The following NKAIN2 variants were observed in gnomAD, a reference collection of about 807,000 sequenced individuals.
NKAIN2 encodes the protein sodium/potassium-transporting ATPase subunit beta-1-interacting protein 2.
NKAIN2 carries 14 observed loss-of-function variants against 32.6 expected under a neutral mutation model. The observed-to-expected ratio is 0.43, with a 90% confidence interval of 0.28 to 0.67. The LOEUF is 0.67. NKAIN2 is among the 30% of genes least tolerant of loss of function. The pLI is 0.17. For synonymous variants in NKAIN2, 80 were observed against 87.2 expected, an observed-to-expected ratio of 0.92 and a Z score of 0.46; for missense variants, 198 against 258.3, an observed-to-expected ratio of 0.77 and a Z score of 1.60.
intron 3 of NKAIN2, among the ~76,000 whole-genome samples, chr6:124,655,772 G>T (rs1416620997): frequency 3.3e-5 from 5 of 152,060 alleles, no homozygotes; most frequent in East Asian, 3.9e-4. Context: ...GAATCATCTT[G>T]CTTTGTATGA....
chr6:124,412,755 G>T (rs1774263468), intron 3 of NKAIN2, among the ~76,000 whole-genome samples: 1 of 152,200 alleles, frequency 6.6e-6, no homozygotes, highest in African/African-American at 2.4e-5. Flanking sequence ...TTGTTTGTCT[G>T]TGCCCTGCCC....
chr6:124,652,077 C>T (rs978469118), intron 3 of NKAIN2, among the ~76,000 whole-genome samples: 2 of 152,200 alleles, frequency 1.3e-5, no homozygotes, highest in African/African-American at 4.8e-5. Context: ...AAAGAAGCCA[C>T]ACAACTCCTG....
At chr6:124,448,162 G>A (rs1454857173) in intron 3 of NKAIN2, among the ~76,000 whole-genome samples, 2 of 152,026 alleles carry the variant, frequency 1.3e-5, no homozygotes, top group Non-Finnish European at 2.9e-5. Context: ...GTAAAATGAA[G>A]CATTGGAATA....
chr6:124,019,642 T>C (rs1194111351), intron 1 of NKAIN2, among the ~76,000 whole-genome samples: 1 of 152,202 alleles, frequency 6.6e-6, no homozygotes, highest in Non-Finnish European at 1.5e-5. Context: ...ATATTATGGA[T>C]CATCTTCTAG....
At position 123,997,597 on chromosome 6, in the gene NKAIN2, CTTTTTTTTTTTTT is replaced by C. The variant is rs545393601; in HGVS notation, c.54+193355_54+193367del. ...GAATTATCACTAACTGGAGTTTATT[CTTTTTTTTTTTTT>C]TTTTTTTTTTTGAGACAGAGTCTCG... On this transcript the variant is annotated intron_variant, in intron 1 of 6. Transcript: ENST00000368417. Among the ~76,000 whole-genome samples, 266 of 98,260 alleles carry C rather than the reference CTTTTTTTTTTTTT, an allele frequency of 2.7e-3. 3 individuals carry two copies. The highest frequency in any genetic ancestry group is 9.4e-3 in the African/African-American group (237 of 25,320). 64.5% of individuals were successfully genotyped at this position (98,260 alleles called of 152,430 possible).
intron 1 of NKAIN2, among the ~76,000 whole-genome samples, chr6:124,278,650 C>T (rs953849881): frequency 1.3e-4 from 9 of 68,986 alleles, no homozygotes; most frequent in Non-Finnish European, 2.8e-4. Flanking sequence ...ATACATAGCT[C>T]ATATATATAT....
At chr6:123,972,569 A>C (rs1043873170) in intron 1 of NKAIN2, among the ~76,000 whole-genome samples, 10 of 152,206 alleles carry the variant, frequency 6.6e-5, no homozygotes, top group African/African-American at 2.4e-4. Context: ...ATAATTGAAC[A>C]GTGAGCGTCT....
intron 1 of NKAIN2, among the ~76,000 whole-genome samples, chr6:124,087,724 G>A (rs567279734): frequency 8.0e-4 from 122 of 151,998 alleles, no homozygotes; most frequent in African/African-American, 2.8e-3. Flanking sequence ...TGTAATAGTA[G>A]GGAAAAAGTA....
intron 1 of NKAIN2, among the ~76,000 whole-genome samples, chr6:123,917,463 T>C (rs1775554359): frequency 6.6e-6 from 1 of 152,222 alleles, no homozygotes; most frequent in African/African-American, 2.4e-5. Flanking sequence ...TAAATAAACT[T>C]ACATTCTGTC....
intron 1 of NKAIN2, among the ~76,000 whole-genome samples, chr6:123,893,970 A>C (rs542595333): frequency 2.0e-5 from 3 of 152,214 alleles, no homozygotes; most frequent in Admixed American, 6.5e-5. Flanking sequence ...AGAAGAATTT[A>C]GGTTCATTTA....
chr6:123,983,813 T>C (rs1360651893), intron 1 of NKAIN2, among the ~76,000 whole-genome samples: 1 of 152,302 alleles, frequency 6.6e-6, no homozygotes, highest in South Asian at 2.1e-4. Flanking sequence ...CAGGAAATTT[T>C]ATGCAGTTGT....
rs190559468 is a variant in NKAIN2, at chr6:124,254,062, G to A, written c.55-28943G>A. 4.8e-3 allele frequency among the ~76,000 whole-genome samples: 736 copies of A among 151,932 alleles called. 4 individuals carry two copies. The highest frequency in any genetic ancestry group is 7.8e-3 in the Non-Finnish European group (532 of 67,942). On this transcript the variant is annotated intron_variant, in intron 1 of 6. Transcript: ENST00000368417. ...GTTCTCTTGACCTCGTGATCCGCCC[G>A]CCTCGGCCTCCCAAAGTACTGTGGG... is the stretch of plus-strand genomic sequence containing the variant.
In NKAIN2 at chr6:124,037,558, G is replaced by A. The variant is rs567252635; in HGVS notation, c.54+233304G>A. Among the ~76,000 whole-genome samples, 20 of 151,946 alleles carry A rather than the reference G, an allele frequency of 1.3e-4. 1 individual carries two copies. The highest frequency in any genetic ancestry group is 6.2e-4 in the South Asian group (3 of 4,812). Reference sequence around the variant, plus strand: ...AAAAAAATTCTAACAAATTAAATTCGGTCATGGAATCAAATTGGATTAAGT... The same window carrying A: ...AAAAAAATTCTAACAAATTAAATTCAGTCATGGAATCAAATTGGATTAAGT... On this transcript the variant is annotated intron_variant, in intron 1 of 6. Transcript: ENST00000368417.
intron 1 of NKAIN2, among the ~76,000 whole-genome samples, chr6:124,028,744 T>C (rs970287620): frequency 2.5e-4 from 37 of 147,602 alleles, no homozygotes; most frequent in South Asian, 1.5e-3. Context: ...CACGTATATA[T>C]GTGTATATAT....
intron 4 of NKAIN2, among the ~76,000 whole-genome samples, chr6:124,739,293 A>G (rs1266373025): frequency 6.6e-6 from 1 of 151,880 alleles, no homozygotes; most frequent in Non-Finnish European, 1.5e-5. Flanking sequence ...GTATAAAAAC[A>G]CATCTTCACC....
chr6:124,335,532 C>T (rs894283351), intron 2 of NKAIN2, among the ~76,000 whole-genome samples: 22 of 152,224 alleles, frequency 1.4e-4, no homozygotes, highest in African/African-American at 5.1e-4. Flanking sequence ...GAGATTAAAG[C>T]ATCTCTGATG....
intron 3 of NKAIN2, among the ~76,000 whole-genome samples, chr6:124,389,860 A>G (rs1254688463): frequency 6.6e-6 from 1 of 152,048 alleles, no homozygotes; most frequent in Non-Finnish European, 1.5e-5. Context: ...ACCCATTTCC[A>G]TTCCCTATCC....
intron 1 of NKAIN2, among the ~76,000 whole-genome samples, chr6:124,062,734 T>G (rs1782975213): frequency 6.6e-6 from 1 of 152,188 alleles, no homozygotes; most frequent in South Asian, 2.1e-4. Flanking sequence ...TAGTGAATCC[T>G]CTCTATGACT....
chr6:124,089,916 A>T (rs945994721), intron 1 of NKAIN2, among the ~76,000 whole-genome samples: 3 of 151,802 alleles, frequency 2.0e-5, no homozygotes, highest in African/African-American at 7.3e-5. Flanking sequence ...CCAATCATTC[A>T]AACTCAAGGA....
Sources: allele counts gnomAD v4.1 joint callset (sites outside exome capture counted in the v4.1 genomes callset), GRCh38; gene constraint gnomAD v4.1.1; transcripts MANE v1.5; gene names NCBI Gene and HGNC (gene_info 2026-07-23, HGNC 2026-07-21).